Variants in RELN observed in about 807,000 individuals in gnomAD.
RELN encodes reelin.
A neutral mutation model predicts 427.6 loss-of-function variants in RELN; 108 were observed. The observed-to-expected ratio is 0.25, with a 90% CI of 0.22 to 0.30. The LOEUF (loss-of-function observed/expected upper bound fraction) is 0.30. Among genes scored for constraint, RELN ranks in the 10% least tolerant of loss-of-function variants. RELN has a pLI of 1.00. For synonymous variants in RELN, 1,524 were observed against 1,513.4 expected (o/e 1.01, Z -0.16); for missense variants, 3,715 against 4,302.8 (o/e 0.86, Z 3.82).
At chr7:103,558,582 G>A (rs1830574958) in intron 36 of RELN, among the ~76,000 whole-genome samples, 2 of 152,178 alleles carry the variant, frequency 1.3e-5, no homozygotes, top group South Asian at 4.1e-4. Flanking sequence ...GCATAACTAA[G>A]GCAAGTCCTG....
chr7:103,614,817 A>C (rs1200283396), intron 20 of RELN, among the ~76,000 whole-genome samples: 1 of 152,166 alleles, frequency 6.6e-6, no homozygotes, highest in Non-Finnish European at 1.5e-5. Flanking sequence ...CTTAATCTGA[A>C]GCAAAATAAC....
At chr7:103,703,391 C>T (rs1265722448) in intron 8 of RELN, among the ~76,000 whole-genome samples, 1 of 152,152 alleles carries the variant, frequency 6.6e-6, no homozygotes, top group Non-Finnish European at 1.5e-5. Context: ...TGTTCTTGCC[C>T]AGATGGAAAT....
chr7:103,773,111 T>G (rs1235662837), intron 4 of RELN, among the ~76,000 whole-genome samples: 10 of 52,822 alleles, frequency 1.9e-4, no homozygotes, highest in Non-Finnish European at 4.6e-4. Flanking sequence ...TTTCTTTCTT[T>G]CTTTCTTTCT....
chr7:103,707,050 T>C (rs1462264846), intron 8 of RELN, among the ~76,000 whole-genome samples: 1 of 152,156 alleles, frequency 6.6e-6, no homozygotes, highest in Non-Finnish European at 1.5e-5. Context: ...TCAGAGTTCA[T>C]GTAGCCTCAA....
chr7:103,949,493 G>C (rs958512565), intron 1 of RELN, among the ~76,000 whole-genome samples: 1 of 152,044 alleles, frequency 6.6e-6, no homozygotes, highest in Admixed American at 6.6e-5. Flanking sequence ...AGTGCTCTTA[G>C]AGGAAGAGAC....
intron 1 of RELN, among the ~76,000 whole-genome samples, chr7:103,937,791 A>G (rs562899882): frequency 6.6e-6 from 1 of 152,342 alleles, no homozygotes; most frequent in East Asian, 1.9e-4. Context: ...TCTCATCTTA[A>G]TAAGCTCAGA....
intron 16 of RELN, among the ~76,000 whole-genome samples, chr7:103,646,126 G>C (rs1004672041): frequency 6.6e-6 from 1 of 151,698 alleles, no homozygotes; most frequent in Non-Finnish European, 1.5e-5. Context: ...TATAGCAAAA[G>C]CAGTGCTAAG....
intron 3 of RELN, among the ~76,000 whole-genome samples, chr7:103,800,911 G>GTGGGCAAAGGGTA (rs763520971): frequency 6.6e-6 from 1 of 152,198 alleles, no homozygotes; most frequent in Non-Finnish European, 1.5e-5. Flanking sequence ...TGATGAAAAA[G>GTGGGCAAAGGGTA]TGGGCAAAGG....
At chr7:103,813,982 AAG>A (rs764597312) in intron 3 of RELN, among the ~76,000 whole-genome samples, 1 of 152,162 alleles carries the variant, frequency 6.6e-6, no homozygotes, top group Non-Finnish European at 1.5e-5. Flanking sequence ...CGGTATTTTT[AAG>A]AGTTTATTTT....
rs531159481 is a variant in RELN at position 103,529,900 on chromosome 7, C to T, written c.7349+5416G>A. ...TTTATGTCATTGAAGGCCATCTCTT[C>T]CTGCTTGTTAATCTCCTCTCATCTG... On this transcript the variant is annotated intron_variant, in intron 46 of 64. Coordinates refer to ENST00000428762, the MANE Select transcript of RELN (RefSeq NM_005045.4). Among the ~76,000 whole-genome samples, 3 of 152,254 alleles carry T rather than the reference C, an allele frequency of 2.0e-5. No individual in the cohort carries two copies. The East Asian group carries it at 5.8e-4, about 29-fold the overall frequency.
intron 2 of RELN, among the ~76,000 whole-genome samples, chr7:103,866,955 T>G (rs1421271092): frequency 6.6e-6 from 1 of 152,084 alleles, no homozygotes; most frequent in African/African-American, 2.4e-5. Flanking sequence ...TCCTATTTAC[T>G]GCCCTAACAG....
rs201725447 is a variant in RELN at position 103,989,102 on chromosome 7, G to A, written c.226+29C>T. ...TGCGCTGGCGGGCGCACCCGGCGGC[G>A]GCGAGCGCGGAGGTGCTGCGGTACC... On this transcript the variant is annotated intron_variant, in intron 1 of 64. Coordinates refer to ENST00000428762, the MANE Select transcript of RELN (RefSeq NM_005045.4). The surrounding 1 kb of genome is among the most constrained non-coding windows in gnomAD (Gnocchi z 4.9). 2 of 1,599,482 alleles carry A rather than the reference G, an allele frequency of 1.3e-6. No individual in the cohort carries two copies. Among genetic ancestry groups the A allele is most frequent in the East Asian group, 4.5e-5 (2 of 44,718 alleles).
intron 20 of RELN, among the ~76,000 whole-genome samples, chr7:103,615,016 A>T (rs1235657576): frequency 6.6e-6 from 1 of 152,142 alleles, no homozygotes; most frequent in Non-Finnish European, 1.5e-5. Context: ...ATATTTATAA[A>T]GGCAAACATG....
At chr7:103,604,780 TA>T (rs1831775150) in intron 22 of RELN, among the ~76,000 whole-genome samples, 1 of 151,484 alleles carries the variant, frequency 6.6e-6, no homozygotes, top group Admixed American at 6.6e-5. Flanking sequence ...GAAAAAGTAC[TA>T]AGAAAGAACA....
intron 3 of RELN, among the ~76,000 whole-genome samples, chr7:103,781,384 G>A (rs992540534): frequency 2.2e-4 from 34 of 151,998 alleles, no homozygotes; most frequent in Non-Finnish European, 2.8e-4. Context: ...ATTGCTAAAA[G>A]CACAGTAACT....
Position 103,503,175 on chromosome 7 carries a change from T to A in RELN, c.8330A>T (p.Gln2777Leu). Residue 2777 changes from glutamine to leucine, a missense_variant, in exon 52 of 65, where the codon CAG becomes CTG. By Grantham distance (113) the Gln-to-Leu change is moderately radical. Transcript: ENST00000428762. ...ACTCACACCGAAGTCAGTAGAATAC[T>A]GCACATGAATTTGATTCTGGGCAAT... ...EKIAQNQIHV[Q>L]YSTDFGVSWN... The A allele has an allele frequency of 1.9e-6, 3 of 1,614,226 alleles. No homozygotes were observed. Among genetic ancestry groups the A allele is most frequent in the Non-Finnish European group, 2.5e-6 (3 of 1,180,044 alleles).
At chr7:103,883,154 T>C (rs935317020) in intron 2 of RELN, among the ~76,000 whole-genome samples, 2 of 152,130 alleles carry the variant, frequency 1.3e-5, no homozygotes, top group African/African-American at 4.8e-5. Flanking sequence ...ATAAACGTAA[T>C]CCATCACATA....
At chr7:103,814,514 A>G (rs1792822485) in intron 3 of RELN, among the ~76,000 whole-genome samples, 4 of 152,190 alleles carry the variant, frequency 2.6e-5, no homozygotes, top group South Asian at 2.1e-4. Flanking sequence ...ATATACATCA[A>G]TAAATCCAAA....
At chr7:103,820,664 G>T (rs1792991668) in intron 3 of RELN, among the ~76,000 whole-genome samples, 1 of 151,630 alleles carries the variant, frequency 6.6e-6, no homozygotes, top group African/African-American at 2.4e-5. Context: ...AAATTATAAA[G>T]AATTTCCATG....
Sources: allele counts gnomAD v4.1 joint callset (sites outside exome capture counted in the v4.1 genomes callset), GRCh38; gene constraint gnomAD v4.1.1; non-coding constraint Gnocchi (gnomAD v3.1); transcripts MANE v1.5; gene names NCBI Gene and HGNC (gene_info 2026-07-23, HGNC 2026-07-21).